The following AP2B1 variants were observed in gnomAD, a reference collection of about 807,000 sequenced individuals.
AP2B1 encodes the protein AP-2 complex subunit beta.
Under a neutral mutation model 102.0 loss-of-function variants are expected in AP2B1, and 23 were observed. That is an observed-to-expected ratio of 0.23 (90% confidence interval 0.16 to 0.32). The LOEUF (loss-of-function observed/expected upper bound fraction) is 0.32, where lower values mean the gene tolerates loss of function less well. Among genes scored for constraint, AP2B1 ranks in the 10% least tolerant of loss-of-function variants. AP2B1 has a pLI of 1.00. For missense variants in AP2B1, 541 were observed against 1,157.4 expected (o/e 0.47, Z 7.73); for synonymous variants, 381 against 421.2 (o/e 0.90, Z 1.17).
At chr17:35,653,110 C>A (rs780299060) in intron 13 of AP2B1, among the ~76,000 whole-genome samples, 8 of 152,032 alleles carry the variant, frequency 5.3e-5, no homozygotes, top group Non-Finnish European at 1.2e-4. Flanking sequence ...CAATCTGAAC[C>A]CTTTCTTTCT....
chr17:35,610,678 T>A (rs1248721591), intron 5 of AP2B1, among the ~76,000 whole-genome samples: 1 of 151,640 alleles, frequency 6.6e-6, no homozygotes, highest in Non-Finnish European at 1.5e-5. Context: ...GAGGCCGAGG[T>A]GGGTGGATCA....
intron 13 of AP2B1, chr17:35,651,073 T>G: frequency 3.3e-6 from 1 of 305,172 alleles, no homozygotes; most frequent in Non-Finnish European, 6.1e-6. Context: ...GTGAAGACCT[T>G]CTAAATTGAT....
Position 35,636,371 on chromosome 17 carries a change from C to A in AP2B1, c.1186C>A (p.Leu396Ile). 1.2e-6 allele frequency: 2 copies of A among 1,613,858 alleles called. No individual in the cohort carries two copies. The highest frequency in any genetic ancestry group is 1.7e-6 in the Non-Finnish European group (2 of 1,179,878). Residue 396 changes from leucine (L) to isoleucine (I), a missense_variant, in exon 10 of 22, where the codon CTT becomes ATT. Coordinates refer to ENST00000610402, the MANE Select transcript of AP2B1 (RefSeq NM_001030006.2). ...TGCAGAGCGCTGTGTAAGCACATTGCTTGATCTAATCCAGACCAAAGTGAA... is the reference window on the plus strand; with the variant it reads ...TGCAGAGCGCTGTGTAAGCACATTGATTGATCTAATCCAGACCAAAGTGAA... Reference protein sequence around the residue: ...QSAERCVSTLLDLIQTKVNYV... With the variant: ...QSAERCVSTLIDLIQTKVNYV...
chr17:35,600,609 A>G (rs187763569), intron 3 of AP2B1, among the ~76,000 whole-genome samples: 50 of 152,112 alleles, frequency 3.3e-4, no homozygotes, highest in Non-Finnish European at 6.3e-4. Context: ...AGTAGATATT[A>G]AAGAGAGTTG....
At chr17:35,713,628 A>G (rs1186502180) in intron 20 of AP2B1, among the ~76,000 whole-genome samples, 1 of 152,222 alleles carries the variant, frequency 6.6e-6, no homozygotes, top group African/African-American at 2.4e-5. Flanking sequence ...GCTAGCATAG[A>G]CATTTGACAG....
chr17:35,662,311 G>A (rs1271141025), intron 14 of AP2B1, among the ~76,000 whole-genome samples: 1 of 151,592 alleles, frequency 6.6e-6, no homozygotes, highest in African/African-American at 2.4e-5. Flanking sequence ...ATTCTCTTTT[G>A]CTTGTACTCT....
At position 35,682,613 on chromosome 17, in the gene AP2B1, G is replaced by A. The variant is rs189448360; in HGVS notation, c.2325-82G>A. On this transcript the variant is annotated intron_variant, in intron 17 of 21. Transcript: ENST00000610402. ...CCCACCTCAGCCTCCCAAAATGCTG[G>A]GATTACAGGCATGAGCCACCATGCC... 3 of 1,446,232 alleles carry A rather than the reference G, an allele frequency of 2.1e-6. No homozygotes were observed. The Admixed American group carries it at 5.4e-5, about 26-fold the overall frequency. The allele number at this position is 1,446,232 out of a possible 1,614,324, so 89.6% of individuals were successfully genotyped here. A position where few individuals can be genotyped will look rare whatever the true frequency, so the allele number is the denominator to read the frequency against.
At position 35,720,571 on chromosome 17, in the gene AP2B1, ATATTTTTTTTTTTT is replaced by A. The variant is rs1281225145; in HGVS notation, c.2782-3052_2782-3039del. 3.7e-3 allele frequency among the ~76,000 whole-genome samples: 162 copies of A among 44,198 alleles called. 2 individuals carry two copies. Among genetic ancestry groups the A allele is most frequent in the South Asian group, 0.028 (27 of 970 alleles). The allele number at this position is 44,198 out of a possible 152,430, so 29.0% of individuals were successfully genotyped here. A position where few individuals can be genotyped will look rare whatever the true frequency, so the allele number is the denominator to read the frequency against. ...TATATATATATATATATATATATAT[ATATTTTTTTTTTTT>A]TTTTTTTTTTTTTTTAATATAGAGA... On this transcript the variant is annotated intron_variant, in intron 21 of 21. Transcript: ENST00000610402.
chr17:35,721,494 T>C (rs1332758703), intron 21 of AP2B1, among the ~76,000 whole-genome samples: 1 of 152,148 alleles, frequency 6.6e-6, no homozygotes, highest in African/African-American at 2.4e-5. Flanking sequence ...TGTAATAAAC[T>C]TGACACTTTG....
chr17:35,702,937 A>G (rs146017082), intron 18 of AP2B1, among the ~76,000 whole-genome samples: 584 of 152,300 alleles, frequency 3.8e-3, no homozygotes, highest in African/African-American at 0.013. Context: ...AGAGCATGTA[A>G]ATTAATTCAA....
At position 35,608,105 on chromosome 17, in the gene AP2B1, A is replaced by G. The variant is rs767522421; in HGVS notation, c.280-37A>G. On this transcript the variant is annotated intron_variant, in intron 4 of 21. Coordinates refer to ENST00000610402, the MANE Select transcript of AP2B1 (RefSeq NM_001030006.2). ...ACTGGACTGTTTACTTTTAGCCACC[A>G]TGTATACCTACAGTTGTTGGTGATT... 7 of 1,609,554 alleles carry G rather than the reference A, an allele frequency of 4.3e-6. No individual in the cohort carries two copies. In the South Asian group the frequency reaches 4.4e-5, roughly 10 times the overall value.
intron 14 of AP2B1, among the ~76,000 whole-genome samples, chr17:35,658,080 T>A (rs897987422): frequency 1.4e-4 from 21 of 152,182 alleles, no homozygotes; most frequent in African/African-American, 5.1e-4. Context: ...ATGTTTAGTA[T>A]CTTTTCCAGA....
chr17:35,631,524 T>A (rs1389938884), intron 9 of AP2B1, among the ~76,000 whole-genome samples: 1 of 152,116 alleles, frequency 6.6e-6, no homozygotes, highest in Non-Finnish European at 1.5e-5. Context: ...AATGAAATCA[T>A]TCCACAAATG....
intron 18 of AP2B1, among the ~76,000 whole-genome samples, chr17:35,693,017 T>C (rs1318164765): frequency 9.7e-6 from 1 of 103,452 alleles, no homozygotes; most frequent in South Asian, 3.2e-4. Context: ...CGCGGGGCGG[T>C]GGGGGGAGGG....
chr17:35,596,519 CTT>C (rs35095177), intron 2 of AP2B1, among the ~76,000 whole-genome samples: 30 of 143,480 alleles, frequency 2.1e-4, no homozygotes, highest in Admixed American at 4.8e-4. Flanking sequence ...CTATTTCTTT[CTT>C]TTTTTTTTTT....
chr17:35,631,501 A>G (rs1476660852), intron 9 of AP2B1, among the ~76,000 whole-genome samples: 1 of 151,924 alleles, frequency 6.6e-6, no homozygotes, highest in East Asian at 1.9e-4. Context: ...ACAAAGATGT[A>G]TTTTTTTATA....
At chr17:35,712,539 A>G (rs1469722039) in intron 20 of AP2B1, among the ~76,000 whole-genome samples, 3 of 152,060 alleles carry the variant, frequency 2.0e-5, no homozygotes, top group Non-Finnish European at 2.9e-5. Flanking sequence ...GAGGCAGGAG[A>G]ATCAGCTTGG....
intron 18 of AP2B1, among the ~76,000 whole-genome samples, chr17:35,708,672 AT>A (rs2076391626): frequency 6.6e-6 from 1 of 152,218 alleles, no homozygotes; most frequent in South Asian, 2.1e-4. Flanking sequence ...ATTTAAAAAA[AT>A]AAAAAATAAG....
intron 20 of AP2B1, among the ~76,000 whole-genome samples, chr17:35,711,410 CAAA>C (rs782545206): frequency 1.7e-5 from 2 of 114,520 alleles, no homozygotes; most frequent in Non-Finnish European, 1.8e-5. Context: ...GCACAGAAAG[CAAA>C]AAAAAAAAAA....
Sources: gnomAD v4.1 joint callset for allele counts (sites outside exome capture counted in the v4.1 genomes callset) on GRCh38, gnomAD v4.1.1 for gene constraint, MANE v1.5 for transcripts, NCBI Gene and HGNC (gene_info 2026-07-23, HGNC 2026-07-21) for gene names.